Variants in RWDD2B observed in about 807,000 individuals in gnomAD.
The protein encoded by RWDD2B is RWD domain containing 2B, also known as RWD domain-containing protein 2B.
In RWDD2B, 36 loss-of-function variants were observed where a neutral mutation model predicts 33.6. The ratio of observed to expected loss-of-function variants is 1.07; its 90% CI spans 0.82 to 1.42. The LOEUF is 1.42. Ranked by LOEUF, RWDD2B falls within the 40% of genes most tolerant of loss-of-function variation. The pLI, the probability that RWDD2B is intolerant of heterozygous loss-of-function variation, is 0.00. For missense variants in RWDD2B, 364 were observed against 377.5 expected, an observed-to-expected ratio of 0.96 and a Z score of 0.30; for synonymous variants, 126 against 133.1, an observed-to-expected ratio of 0.95 and a Z score of 0.37.
At chr21:29,019,073 G>T in intron 1 of RWDD2B, 138 bp downstream of exon 1, 1 of 695,242 alleles carries the variant, frequency 1.4e-6, no homozygotes, top group Middle Eastern at 4.0e-4. Flanking sequence ...GCCGAGGACC[G>T]AGCCGACCGA....
intron 4 of RWDD2B, among the ~76,000 whole-genome samples, chr21:29,007,504 C>T (rs1470135000): frequency 6.6e-6 from 1 of 152,126 alleles, no homozygotes; most frequent in Non-Finnish European, 1.5e-5. Flanking sequence ...CTAGATGGTA[C>T]TTTTTTTGCA....
intron 1 of RWDD2B, among the ~76,000 whole-genome samples, chr21:29,010,642 A>ACCCTCT (rs1271141961): frequency 4.8e-5 from 7 of 145,920 alleles, no homozygotes; most frequent in African/African-American, 1.5e-4. Context: ...ACCAAAAAAA[A>ACCCTCT]CCCTCTCCCT....
At chr21:29,016,368 G>C (rs767641616) in intron 1 of RWDD2B, among the ~76,000 whole-genome samples, 10 of 151,964 alleles carry the variant, frequency 6.6e-5, no homozygotes, top group Non-Finnish European at 1.5e-4. Context: ...AGGTTCAAGC[G>C]ATTCTCCTGC....
chr21:29,018,355 TAGAG>T (rs1173942748), intron 1 of RWDD2B, among the ~76,000 whole-genome samples: 1 of 152,210 alleles, frequency 6.6e-6, no homozygotes, highest in Non-Finnish European at 1.5e-5. Flanking sequence ...ACCTGTTAAA[TAGAG>T]AGGTCTAGCA....
At chr21:29,008,344 T>A in intron 2 of RWDD2B, 37 bp from the exon 3 acceptor site, 1 of 1,612,392 alleles carries the variant, frequency 6.2e-7, no homozygotes, top group East Asian at 2.2e-5. Flanking sequence ...CACTAACCAA[T>A]GTTTTAAGTC....
intron 1 of RWDD2B, among the ~76,000 whole-genome samples, chr21:29,017,571 C>T (rs558813230): frequency 1.2e-4 from 19 of 152,138 alleles, no homozygotes; most frequent in African/African-American, 4.3e-4. Context: ...AAGATCATAC[C>T]TCTGCACTCC....
chr21:29,011,746 C>T (rs562666491), intron 1 of RWDD2B, among the ~76,000 whole-genome samples: 1 of 136,498 alleles, frequency 7.3e-6, no homozygotes, highest in African/African-American at 2.7e-5. Context: ...CGGCCAGCCG[C>T]CCCGTCCGGG....
Position 29,006,577 on chromosome 21 carries a change from T to G in RWDD2B, c.800A>C (p.Glu267Ala). Reference sequence around the variant, plus strand: ...GGAAAATTTCCTTTGTCTTTCCGTTTCATCATTTGTACCATCAAAAGGAAT... The same window carrying G: ...GGAAAATTTCCTTTGTCTTTCCGTTGCATCATTTGTACCATCAAAAGGAAT... ...EDIPFDGTND[E>A]TERQRKFSIF... Residue 267 changes from glutamate (E) to alanine (A), a missense_variant, in exon 5 of 5, where the codon GAA becomes GCA. Glu to Ala is a moderately radical substitution (Grantham distance 107). Coordinates refer to ENST00000493196, the MANE Select transcript of RWDD2B (RefSeq NM_016940.3). 1 of 1,614,056 alleles carries G rather than the reference T, an allele frequency of 6.2e-7. No homozygotes were observed. Among genetic ancestry groups the G allele is most frequent in the Non-Finnish European group, 8.5e-7 (1 of 1,179,920 alleles).
At chr21:29,007,690 C>A in intron 4 of RWDD2B, 71 bp downstream of exon 4, 2 of 1,511,646 alleles carry the variant, frequency 1.3e-6, no homozygotes, top group Admixed American at 2.0e-5. Flanking sequence ...CGTCACTAGG[C>A]AGCACATGAC....
chr21:29,013,739 T>C (rs1054646604), intron 1 of RWDD2B, among the ~76,000 whole-genome samples: 1 of 151,508 alleles, frequency 6.6e-6, no homozygotes, highest in Non-Finnish European at 1.5e-5. Flanking sequence ...AAAGACGATA[T>C]GTTTATAACG....
In RWDD2B at chr21:29,010,245, T is replaced by C. The variant is rs2084849793; in HGVS notation, c.68-1624A>G. ...CAAGTTACTTTCCAGAAAGTTGCCATACAGAACAGAAATTTACAATTGTAC... is the reference window on the plus strand; with the variant it reads ...CAAGTTACTTTCCAGAAAGTTGCCACACAGAACAGAAATTTACAATTGTAC... On this transcript the variant is annotated intron_variant, in intron 1 of 4. Coordinates refer to ENST00000493196, the MANE Select transcript of RWDD2B (RefSeq NM_016940.3). Among the ~76,000 whole-genome samples, 3 of 152,132 alleles carry C rather than the reference T, an allele frequency of 2.0e-5. No individual in the cohort carries two copies. In the South Asian group the frequency reaches 6.2e-4, roughly 32 times the overall value.
rs753325642 is a variant in RWDD2B, at chr21:29,008,605, T to C, written c.84A>G (p.Pro28=). ...CCGCCTGCTCCATCTCAATCATTTT[T>C]GGACATGTGTAAGTTTCTAAGGAGG... The part of the protein sequence containing the change: ...GATAQETYTC[P]KMIEMEQAEA... Residue 28 remains proline, a synonymous_variant, in exon 2 of 5, where the codon CCA becomes CCG. Coordinates refer to ENST00000493196, the MANE Select transcript of RWDD2B (RefSeq NM_016940.3). 24 of 1,612,876 alleles carry C rather than the reference T, an allele frequency of 1.5e-5. No individual in the cohort carries two copies. Among genetic ancestry groups the C allele is most frequent in the Non-Finnish European group, 1.9e-5 (23 of 1,179,782 alleles).
Position 29,005,210 on chromosome 21 carries a change from A to C in RWDD2B, c.*1207T>G, listed in dbSNP as rs1040179997. The C allele has an allele frequency of 1.3e-5, 2 of 152,180 alleles. No individual in the cohort carries two copies. Among genetic ancestry groups the C allele is most frequent in the Admixed American group, 6.5e-5 (1 of 15,276 alleles). The allele number at this position is 152,180 out of a possible 1,614,324, so 9.4% of individuals were successfully genotyped here. ...TGCCAAACAAATTTTCTAAATTACT[A>C]ATTTGATGAATTGTTGAGGCTTGTT... On this transcript the variant is annotated 3_prime_UTR_variant, in exon 5 of 5. Coordinates refer to ENST00000493196, the MANE Select transcript of RWDD2B (RefSeq NM_016940.3).
chr21:29,008,038 A>G lies in RWDD2B; in HGVS notation c.448T>C (p.Cys150Arg), dbSNP rs139428854. Reference protein sequence around the residue: ...FLQKHCHGDVCILNATEWVRE... With the variant: ...FLQKHCHGDVRILNATEWVRE... Reference sequence around the variant, plus strand: ...ACCCACTCTGTGGCATTCAGTATACAAACATCTCCATGACAATGTTTTTGC... The same window carrying G: ...ACCCACTCTGTGGCATTCAGTATACGAACATCTCCATGACAATGTTTTTGC... The change falls in exon 4 of 5, where the codon TGT becomes CGT. Residue 150 changes from cysteine to arginine, a missense_variant. Transcript: ENST00000493196. The G allele has an allele frequency of 4.0e-4, 653 of 1,614,146 alleles. No individual in the cohort carries two copies. The highest frequency in any genetic ancestry group is 5.3e-4 in the Non-Finnish European group (629 of 1,180,058).
At chr21:29,012,195 A>G (rs1205408531) in intron 1 of RWDD2B, among the ~76,000 whole-genome samples, 18 of 139,288 alleles carry the variant, frequency 1.3e-4, no homozygotes, top group Non-Finnish European at 1.4e-4. Flanking sequence ...CCGGGAGGTG[A>G]GGGGCGCCTC....
chr21:29,016,559 C>T (rs1002294296), intron 1 of RWDD2B, among the ~76,000 whole-genome samples: 10 of 144,636 alleles, frequency 6.9e-5, no homozygotes, highest in South Asian at 2.2e-4. Context: ...CCACTGCTCC[C>T]GGCCTTTTTT....
chr21:29,017,980 A>G lies in RWDD2B; in HGVS notation c.67+1231T>C, dbSNP rs547027035. Among the ~76,000 whole-genome samples, 5 of 152,344 alleles carry G rather than the reference A, an allele frequency of 3.3e-5. No homozygotes were observed. In the South Asian group the frequency reaches 8.3e-4, roughly 25 times the overall value. On this transcript the variant is annotated intron_variant, in intron 1 of 4. Transcript: ENST00000493196. ...CTAGTAAAGCATGGCCAGAATTTTG[A>G]ATTTTATCCCGACTGACATGTAAGA...
chr21:29,008,592 T>G lies in RWDD2B; in HGVS notation c.97A>C (p.Met33Leu), dbSNP rs1254614066. ...ETYTCPKMIE[M>L]EQAEAQLAEL... is the part of the protein sequence containing the mutation. Reference sequence around the variant, plus strand: ...GCAAGCTGGGCCTCCGCCTGCTCCATCTCAATCATTTTTGGACATGTGTAA... The same window carrying G: ...GCAAGCTGGGCCTCCGCCTGCTCCAGCTCAATCATTTTTGGACATGTGTAA... The change falls in exon 2 of 5, where the codon ATG becomes CTG. Residue 33 changes from methionine to leucine, a missense_variant. Physicochemically the swap from Met to Leu is conservative, Grantham distance 15. Coordinates refer to ENST00000493196, the MANE Select transcript of RWDD2B (RefSeq NM_016940.3). The G allele has an allele frequency of 2.5e-6, 4 of 1,613,590 alleles. No homozygotes were observed. Among genetic ancestry groups the G allele is most frequent in the Non-Finnish European group, 3.4e-6 (4 of 1,179,940 alleles).
Position 29,016,669 on chromosome 21 carries a change from A to G in RWDD2B, c.67+2542T>C, listed in dbSNP as rs188330929. Among the ~76,000 whole-genome samples the G allele has an allele frequency of 1.8e-3, 281 of 152,314 alleles. 10 individuals are homozygous for G. In the South Asian group the frequency reaches 0.041, roughly 22 times the overall value. On this transcript the variant is annotated intron_variant, in intron 1 of 4. Transcript: ENST00000493196. The stretch of plus-strand genomic sequence containing the variant: ...GTTTTGGAGTTGAGAAACATAAAAA[A>G]CAACTACTTGGGTGGTTATTAGAGG...
Sources: allele counts gnomAD v4.1 joint callset (sites outside exome capture counted in the v4.1 genomes callset), GRCh38; gene constraint gnomAD v4.1.1; transcripts MANE v1.5; gene names NCBI Gene and HGNC (gene_info 2026-07-23, HGNC 2026-07-21).